Variants in TMEM238L observed in about 807,000 individuals in gnomAD.
TMEM238L encodes the protein transmembrane protein 238 like.
intron 1 of TMEM238L, among the ~76,000 whole-genome samples, chr17:10,799,222 G>A (rs1597578086): frequency 6.6e-6 from 1 of 152,200 alleles, no homozygotes; most frequent in African/African-American, 2.4e-5. Context: ...TTGGGGGATG[G>A]AGTCTTGCTC....
chr17:10,799,283 C>T (rs1002707279), intron 1 of TMEM238L, among the ~76,000 whole-genome samples: 16 of 152,206 alleles, frequency 1.1e-4, no homozygotes, highest in Admixed American at 2.0e-4. Flanking sequence ...CTGCAATCTC[C>T]GCCTCTCAGG....
intron 1 of TMEM238L, among the ~76,000 whole-genome samples, chr17:10,800,685 T>A (rs1904710428): frequency 1.3e-5 from 2 of 152,182 alleles, no homozygotes; most frequent in South Asian, 4.1e-4. Flanking sequence ...TGGCTATTAT[T>A]AGCACCATCT....
chr17:10,801,493 T>G (rs1904745661), intron 1 of TMEM238L, among the ~76,000 whole-genome samples: 1 of 152,204 alleles, frequency 6.6e-6, no homozygotes, highest in Non-Finnish European at 1.5e-5. Context: ...TTATTTCCTG[T>G]TATCCCAGGA....
At chr17:10,803,118 G>GTGA (rs1904796201) in intron 1 of TMEM238L, among the ~76,000 whole-genome samples, 1 of 152,080 alleles carries the variant, frequency 6.6e-6, no homozygotes, top group African/African-American at 2.4e-5. Context: ...GAACGAGAGG[G>GTGA]GCCGTTCTGG....
intron 1 of TMEM238L, among the ~76,000 whole-genome samples, chr17:10,797,096 G>A (rs1273157135): frequency 6.6e-6 from 1 of 152,156 alleles, no homozygotes; most frequent in Non-Finnish European, 1.5e-5. Flanking sequence ...TGGTCTTATG[G>A]AAAGAGCATA....
At chr17:10,800,733 T>G (rs1904712229) in intron 1 of TMEM238L, among the ~76,000 whole-genome samples, 1 of 152,074 alleles carries the variant, frequency 6.6e-6, no homozygotes, top group Admixed American at 6.6e-5. Context: ...CACGGAGAGG[T>G]GAAGTAACTT....
At chr17:10,795,039 T>C (rs1904497630) in exon 2 of TMEM238L, 1 of 152,200 alleles carries the variant, frequency 6.6e-6, no homozygotes. Context: ...AAGTACAAAA[T>C]GAGACCAGGG....
At position 10,798,445 on chromosome 17, in the gene TMEM238L, G is replaced by C. The variant is rs560277455; in HGVS notation, c.*119-2497C>G. On this transcript the variant is annotated intron_variant, in intron 1 of 1. Transcript: ENST00000581851. ...AGCAGGAGAGGAGGGCTTTTTACCAGGCTCACCTTTGAGCTGACTTGGCAG... is the reference window on the plus strand; with the variant it reads ...AGCAGGAGAGGAGGGCTTTTTACCACGCTCACCTTTGAGCTGACTTGGCAG... Among the ~76,000 whole-genome samples, 10 of 152,340 alleles carry C rather than the reference G, an allele frequency of 6.6e-5. No individual in the cohort carries two copies. The South Asian group carries it at 1.4e-3, about 22-fold the overall frequency.
At position 10,802,428 on chromosome 17, in the gene TMEM238L, C is replaced by G. The variant is rs549344399; in HGVS notation, c.*118+1178G>C. The G allele has an allele frequency of 5.9e-5, 9 of 152,274 alleles. No individual in the cohort carries two copies. The East Asian group carries it at 1.5e-3, about 26-fold the overall frequency. 9.4% of individuals were successfully genotyped at this position (152,274 alleles called of 1,614,324 possible). On this transcript the variant is annotated intron_variant, in intron 1 of 1. Coordinates refer to ENST00000581851, the Ensembl canonical transcript of TMEM238L. Reference sequence around the variant, plus strand: ...GAATCCTGAGGCTCAGAGTGTGCAACCTGGCCAAAAACACCCAGCTAACAA... The same window carrying G: ...GAATCCTGAGGCTCAGAGTGTGCAAGCTGGCCAAAAACACCCAGCTAACAA...
intron 1 of TMEM238L, 107 bp downstream of exon 1, chr17:10,803,499 G>A (rs1017952097): frequency 2.5e-5 from 9 of 364,368 alleles, no homozygotes; most frequent in Non-Finnish European, 4.4e-5. Flanking sequence ...CCCAGTCAGG[G>A]TGCAGTGTCT....
chr17:10,798,878 T>C (rs1379656357), intron 1 of TMEM238L, among the ~76,000 whole-genome samples: 1 of 152,002 alleles, frequency 6.6e-6, no homozygotes, highest in Non-Finnish European at 1.5e-5. Flanking sequence ...TGGGGACTTA[T>C]CTTTATCTGC....
intron 1 of TMEM238L, among the ~76,000 whole-genome samples, chr17:10,800,471 T>C (rs1467162224): frequency 6.6e-6 from 1 of 152,172 alleles, no homozygotes; most frequent in Admixed American, 6.5e-5. Context: ...AACTCTAGCA[T>C]TCTGGAGCAG....
chr17:10,803,563 G>A, intron 1 of TMEM238L, 43 bp downstream of exon 1: 2 of 394,278 alleles, frequency 5.1e-6, no homozygotes, highest in Non-Finnish European at 8.9e-6. Context: ...GCTTGTCCAA[G>A]CCTCTCTGGC....
At chr17:10,803,754 A>G (rs75188182) in exon 1 of TMEM238L, 6 of 399,654 alleles carry the variant, frequency 1.5e-5, no homozygotes, top group Admixed American at 4.4e-5. Context: ...GAGACACCTC[A>G]ATGTTGAGGG....
intron 1 of TMEM238L, among the ~76,000 whole-genome samples, chr17:10,801,796 T>C (rs1904755181): frequency 6.6e-6 from 1 of 151,800 alleles, no homozygotes; most frequent in African/African-American, 2.4e-5. Context: ...TTTTTTTTTT[T>C]AATTGAGACA....
chr17:10,796,351 T>C (rs1904542762), intron 1 of TMEM238L, among the ~76,000 whole-genome samples: 1 of 152,252 alleles, frequency 6.6e-6, no homozygotes, highest in South Asian at 2.1e-4. Flanking sequence ...AGGTTCATCT[T>C]CGTCTATCAC....
chr17:10,802,220 T>G (rs780284706), intron 1 of TMEM238L, among the ~76,000 whole-genome samples: 26 of 152,300 alleles, frequency 1.7e-4, no homozygotes, highest in Admixed American at 2.6e-4. Context: ...ACTACCAATT[T>G]GAGAGACACC....
chr17:10,798,325 C>A (rs748105846), intron 1 of TMEM238L, among the ~76,000 whole-genome samples: 83 of 152,294 alleles, frequency 5.4e-4, no homozygotes, highest in Non-Finnish European at 1.1e-3. Context: ...TGCTTTATCT[C>A]TCCCCTTAGA....
At chr17:10,803,270 A>G (rs1250468519) in intron 1 of TMEM238L, among the ~76,000 whole-genome samples, 1 of 152,174 alleles carries the variant, frequency 6.6e-6, no homozygotes, top group Non-Finnish European at 1.5e-5. Context: ...CCAACAGAGA[A>G]TGCAGATGGG....
Sources: allele counts gnomAD v4.1 joint callset (sites outside exome capture counted in the v4.1 genomes callset), GRCh38; gene constraint gnomAD v4.1.1; transcripts MANE v1.5; gene names NCBI Gene and HGNC (gene_info 2026-07-23, HGNC 2026-07-21).